TENM1: variants seen among roughly 807,000 people sequenced by gnomAD.
TENM1 encodes teneurin-1.
Under a neutral mutation model 174.8 loss-of-function variants are expected in TENM1, and 35 were observed. The ratio of observed to expected loss-of-function variants is 0.20; its 90% confidence interval spans 0.15 to 0.27. TENM1 has a LOEUF of 0.27. Among genes scored for constraint, TENM1 ranks in the 10% least tolerant of loss-of-function variants. TENM1 has a pLI of 1.00. For synonymous variants in TENM1, 781 were observed against 798.7 expected (o/e 0.98, Z 0.37); for missense variants, 1,633 against 2,130.1 (o/e 0.77, Z 4.59).
chrX:124,590,266 A>G (rs962263762), intron 11 of TENM1, among the ~76,000 whole-genome samples: 25 of 111,329 alleles, frequency 2.2e-4, no homozygotes, highest in African/African-American at 6.2e-4. Flanking sequence ...TAAGCTGATA[A>G]GCAACTTCAG....
intron 1 of TENM1, among the ~76,000 whole-genome samples, chrX:124,944,402 C>G (rs927053457): frequency 5.4e-5 from 6 of 110,797 alleles, no homozygotes; most frequent in South Asian, 3.8e-4. Context: ...GCAAACATCT[C>G]TATACAGGCA....
intron 22 of TENM1, among the ~76,000 whole-genome samples, chrX:124,471,468 A>AGC (rs2061328229): frequency 1.7e-4 from 2 of 11,936 alleles, no homozygotes; most frequent in African/African-American, 1.3e-3. Context: ...TACTATATAT[A>AGC]ATATATAATA....
intron 1 of TENM1, among the ~76,000 whole-genome samples, chrX:124,921,433 T>C (rs2058021152): frequency 9.0e-6 from 1 of 111,509 alleles, no homozygotes; most frequent in African/African-American, 3.3e-5. Flanking sequence ...TATACTATAC[T>C]TGTTTGTTTT....
intron 4 of TENM1, among the ~76,000 whole-genome samples, chrX:124,721,195 C>T (rs2053300999): frequency 9.0e-6 from 1 of 111,629 alleles, no homozygotes; most frequent in Non-Finnish European, 1.9e-5. Flanking sequence ...AAATCTAGTG[C>T]TTTTTCAAAA....
At chrX:124,555,668 A>T (rs925773548) in intron 14 of TENM1, among the ~76,000 whole-genome samples, 4 of 112,028 alleles carry the variant, frequency 3.6e-5, no homozygotes, top group African/African-American at 1.3e-4. Flanking sequence ...AAGAATGATG[A>T]CATCACTGAT....
chrX:125,063,596 C>T, the TENM1 span, among the ~76,000 whole-genome samples: 6 of 111,547 alleles, frequency 5.4e-5, no homozygotes, highest in Non-Finnish European at 9.4e-5. Flanking sequence ...GAAATGCAAA[C>T]CAAAACCACA....
chrX:125,164,039 A>G, the TENM1 span, among the ~76,000 whole-genome samples: 1 of 111,821 alleles, frequency 8.9e-6, no homozygotes, highest in African/African-American at 3.2e-5. Context: ...TTTTTTTCTG[A>G]GTGTAACTAA....
At chrX:124,627,173 C>T (rs751029275) in intron 11 of TENM1, among the ~76,000 whole-genome samples, 1 of 111,320 alleles carries the variant, frequency 9.0e-6, no homozygotes, top group Admixed American at 9.6e-5. Flanking sequence ...TCCCAAGGAC[C>T]ATTTCAACCC....
exon 30 of TENM1, chrX:124,384,136 C>G: frequency 8.3e-7 from 1 of 1,210,804 alleles, no homozygotes. Flanking sequence ...TGGACTTACT[C>G]GCGACACGTC....
intron 6 of TENM1, among the ~76,000 whole-genome samples, chrX:124,667,994 C>T (rs1400092841): frequency 4.5e-5 from 5 of 111,358 alleles, no homozygotes; most frequent in African/African-American, 1.3e-4. Context: ...TTTTGATTTG[C>T]ATTTCTCTGA....
intron 20 of TENM1, among the ~76,000 whole-genome samples, chrX:124,487,451 G>T (rs1357088920): frequency 8.9e-6 from 1 of 112,145 alleles, no homozygotes; most frequent in Non-Finnish European, 1.9e-5. Context: ...TGCATATTTT[G>T]TTTGGTGGAT....
intron 3 of TENM1, among the ~76,000 whole-genome samples, chrX:124,843,477 T>TC (rs953546970): frequency 2.7e-3 from 297 of 110,186 alleles, no homozygotes; most frequent in African/African-American, 7.5e-3. Context: ...TCCCGTTGCC[T>TC]CCCCCCCTCC....
At chrX:125,019,581 G>C in the TENM1 span, among the ~76,000 whole-genome samples, 4 of 110,803 alleles carry the variant, frequency 3.6e-5, no homozygotes, top group East Asian at 8.5e-4. Context: ...TTATTATTCA[G>C]AACCTTATCT....
chrX:125,108,519 G>A, the TENM1 span, among the ~76,000 whole-genome samples: 11 of 110,292 alleles, frequency 1.0e-4, no homozygotes, highest in Admixed American at 2.9e-4. Context: ...TCAGGAGTTC[G>A]AGACCAGCCT....
At chrX:124,635,380 A>G (rs757471567) in intron 11 of TENM1, among the ~76,000 whole-genome samples, 1 of 112,375 alleles carries the variant, frequency 8.9e-6, no homozygotes, top group Non-Finnish European at 1.9e-5. Context: ...ATGTTAAGGA[A>G]CTAACGTTCC....
intron 27 of TENM1, among the ~76,000 whole-genome samples, chrX:124,395,067 T>G (rs1464439095): frequency 8.9e-6 from 1 of 111,772 alleles, no homozygotes; most frequent in African/African-American, 3.3e-5. Context: ...GAGATTACTT[T>G]ATAGTGCACA....
chrX:124,676,864 C>CAAAAAAAAAAAAAAAAAAA (rs57417124), intron 5 of TENM1, among the ~76,000 whole-genome samples: 1 of 57,119 alleles, frequency 1.8e-5, no homozygotes, highest in Non-Finnish European at 3.7e-5. Flanking sequence ...CTCATTGACT[C>CAAAAAAAAAAAAAAAAAAA]AAAAAAAAAA....
chrX:124,586,531 C>A (rs2049519218), intron 11 of TENM1, among the ~76,000 whole-genome samples: 2 of 111,246 alleles, frequency 1.8e-5, no homozygotes, highest in Non-Finnish European at 3.8e-5. Context: ...GTTGATGGGA[C>A]CTATCTCAAA....
At chrX:124,820,210 C>T (rs184395788) in intron 3 of TENM1, among the ~76,000 whole-genome samples, 62 of 111,510 alleles carry the variant, frequency 5.6e-4, no homozygotes, top group Non-Finnish European at 1.0e-3. Context: ...CTCAGACAAC[C>T]CATTTTGCTT....
Sources: gnomAD v4.1 joint callset for allele counts (sites outside exome capture counted in the v4.1 genomes callset) on GRCh38, gnomAD v4.1.1 for gene constraint, MANE v1.5 for transcripts, NCBI Gene and HGNC (gene_info 2026-07-23, HGNC 2026-07-21) for gene names.